Variants in DGKB observed in about 807,000 individuals in gnomAD.
The protein encoded by DGKB is diacylglycerol kinase beta.
A neutral mutation model predicts 114.3 loss-of-function variants in DGKB; 67 were observed. That is an observed-to-expected ratio of 0.59 (90% confidence interval 0.48 to 0.72). DGKB has a LOEUF of 0.72. Ranked by LOEUF, DGKB falls within the 30% of genes least tolerant of loss-of-function variation. The pLI is 0.00. For synonymous variants in DGKB, 398 were observed against 323.1 expected, an observed-to-expected ratio of 1.23 and a Z score of -2.49; for missense variants, 907 against 975.2, an observed-to-expected ratio of 0.93 and a Z score of 0.93.
intron 23 of DGKB, among the ~76,000 whole-genome samples, chr7:14,196,383 C>G (rs1562589256): frequency 1.3e-5 from 2 of 152,090 alleles, no homozygotes; most frequent in African/African-American, 4.8e-5. Flanking sequence ...ACCATCATAT[C>G]TAATAAGCTA....
Position 14,387,010 on chromosome 7 carries a change from C to T in DGKB, c.1836-41619G>A, listed in dbSNP as rs371076916. 8.0e-5 allele frequency among the ~76,000 whole-genome samples: 12 copies of T among 150,568 alleles called. 1 individual carries two copies. The highest frequency in any genetic ancestry group is 6.4e-4 in the South Asian group (3 of 4,710). ...ACTTGCTATTTTTATTAATGGATGCCGAAAGCAGTCAGGGAGCTAATTATT... is the reference window on the plus strand; with the variant it reads ...ACTTGCTATTTTTATTAATGGATGCTGAAAGCAGTCAGGGAGCTAATTATT... On this transcript the variant is annotated intron_variant, in intron 21 of 25. Coordinates refer to ENST00000402815, the MANE Select transcript of DGKB (RefSeq NM_001350709.2).
chr7:14,821,796 G>A (rs1213593162), intron 2 of DGKB, among the ~76,000 whole-genome samples: 1 of 152,158 alleles, frequency 6.6e-6, no homozygotes, highest in Non-Finnish European at 1.5e-5. Flanking sequence ...GGACATGTTG[G>A]AGAGAGACAT....
At chr7:14,244,508 A>T (rs1383545183) in intron 23 of DGKB, among the ~76,000 whole-genome samples, 1 of 31,012 alleles carries the variant, frequency 3.2e-5, no homozygotes, top group East Asian at 7.2e-4. Context: ...TACAAAAAGA[A>T]AAAAAAAGAA....
At chr7:14,736,697 A>T (rs1831776485) in intron 4 of DGKB, among the ~76,000 whole-genome samples, 1 of 152,218 alleles carries the variant, frequency 6.6e-6, no homozygotes, top group Non-Finnish European at 1.5e-5. Flanking sequence ...TTAATGTTTC[A>T]ACTAAATGCC....
intron 21 of DGKB, among the ~76,000 whole-genome samples, chr7:14,360,202 C>A (rs1315296362): frequency 6.6e-6 from 1 of 151,996 alleles, no homozygotes; most frequent in Non-Finnish European, 1.5e-5. Flanking sequence ...TCTCAGTAAA[C>A]TATCACAAGG....
At chr7:14,386,009 C>T (rs1001224000) in intron 21 of DGKB, among the ~76,000 whole-genome samples, 9 of 152,136 alleles carry the variant, frequency 5.9e-5, no homozygotes, top group Non-Finnish European at 7.3e-5. Flanking sequence ...TTTAAACCAT[C>T]GTAGAGCCTT....
chr7:14,467,950 G>A (rs1027594160), intron 21 of DGKB, among the ~76,000 whole-genome samples: 1 of 152,046 alleles, frequency 6.6e-6, no homozygotes, highest in African/African-American at 2.4e-5. Context: ...GTCCTGTAAA[G>A]AAGTGTTACA....
At chr7:14,868,789 T>C (rs1852049579) in intron 1 of DGKB, among the ~76,000 whole-genome samples, 1 of 152,196 alleles carries the variant, frequency 6.6e-6, no homozygotes, top group Admixed American at 6.5e-5. Flanking sequence ...AAATGGTGAC[T>C]ACCTCAAAGC....
chr7:14,655,854 T>C (rs545378847), intron 13 of DGKB, among the ~76,000 whole-genome samples: 1 of 151,686 alleles, frequency 6.6e-6, no homozygotes, highest in Admixed American at 6.6e-5. Flanking sequence ...AAGGGTAGAA[T>C]TGTGGTTTTC....
chr7:14,704,498 G>T (rs189274179), intron 6 of DGKB, among the ~76,000 whole-genome samples: 47 of 151,698 alleles, frequency 3.1e-4, no homozygotes, highest in African/African-American at 1.1e-3. Context: ...AGCCAAGATG[G>T]CCGAATAGGA....
chr7:14,456,008 C>A (rs1832236842), intron 21 of DGKB, among the ~76,000 whole-genome samples: 1 of 151,840 alleles, frequency 6.6e-6, no homozygotes, highest in Non-Finnish European at 1.5e-5. Flanking sequence ...TCCAAAAATC[C>A]AAAATCCGAA....
chr7:14,968,949 T>G (rs947556255), intron 1 of DGKB, among the ~76,000 whole-genome samples: 4 of 152,200 alleles, frequency 2.6e-5, no homozygotes, highest in Admixed American at 6.6e-5. Flanking sequence ...TATTTAAAAC[T>G]AAATATAAGA....
At chr7:14,577,593 G>A (rs1799349679) in intron 19 of DGKB, among the ~76,000 whole-genome samples, 1 of 151,844 alleles carries the variant, frequency 6.6e-6, no homozygotes. Context: ...CTCCAGCCTG[G>A]GCCAAAGAGT....
chr7:14,279,876 C>G (rs3900419), intron 23 of DGKB, among the ~76,000 whole-genome samples: 130,475 of 148,136 alleles, frequency 0.88, 57,810 homozygotes, highest in African/African-American at 0.97. Flanking sequence ...CATCATCAAA[C>G]ACCAAAAGTA....
At chr7:14,297,549 G>A (rs763685691) in intron 23 of DGKB, among the ~76,000 whole-genome samples, 9 of 152,006 alleles carry the variant, frequency 5.9e-5, no homozygotes, top group East Asian at 1.9e-4. Context: ...TTGATGAAAC[G>A]TATCTCAAAA....
chr7:14,752,924 T>C (rs1353512178), intron 4 of DGKB, among the ~76,000 whole-genome samples: 1 of 152,092 alleles, frequency 6.6e-6, no homozygotes, highest in Non-Finnish European at 1.5e-5. Context: ...ATTTAGTCCA[T>C]ATTTGGGGAA....
chr7:14,290,121 G>C (rs1801524486), intron 23 of DGKB, among the ~76,000 whole-genome samples: 1 of 152,136 alleles, frequency 6.6e-6, no homozygotes, highest in South Asian at 2.1e-4. Context: ...CAGACAAACT[G>C]CAGGAACCTG....
intron 21 of DGKB, among the ~76,000 whole-genome samples, chr7:14,454,721 T>C (rs575020770): frequency 7.5e-4 from 114 of 152,092 alleles, no homozygotes; most frequent in African/African-American, 2.6e-3. Context: ...TCCCAGAGAG[T>C]TACTGGACCC....
At chr7:14,645,869 G>A (rs1452944260) in intron 13 of DGKB, among the ~76,000 whole-genome samples, 1 of 152,090 alleles carries the variant, frequency 6.6e-6, no homozygotes, top group Non-Finnish European at 1.5e-5. Flanking sequence ...GATGATATCT[G>A]CCATTATGAT....
Sources: allele counts gnomAD v4.1 joint callset (sites outside exome capture counted in the v4.1 genomes callset), GRCh38; gene constraint gnomAD v4.1.1; transcripts MANE v1.5; gene names NCBI Gene and HGNC (gene_info 2026-07-23, HGNC 2026-07-21).